Variants in TRDN observed in about 807,000 individuals in gnomAD.
The protein encoded by TRDN is triadin in skeletal muscle.
A neutral mutation model predicts 149.7 loss-of-function variants in TRDN; 161 were observed. The observed-to-expected ratio is 1.08, with a 90% CI of 0.95 to 1.23. TRDN has a LOEUF of 1.23. Among genes scored for constraint, TRDN ranks in the 50% most tolerant of loss-of-function variants. TRDN has a pLI of 0.00. For synonymous variants in TRDN, 294 were observed against 250.5 expected (o/e 1.17, Z -1.64); for missense variants, 896 against 823.5 (o/e 1.09, Z -1.08).
At chr6:123,574,895 C>T (rs1885200) in intron 1 of TRDN, among the ~76,000 whole-genome samples, 31,055 of 82,196 alleles carry the variant, frequency 0.38, 4,646 homozygotes, top group South Asian at 0.46. Context: ...TATATATATA[C>T]ACACATTTTC....
At chr6:123,606,837 A>C (rs1784550122) in intron 1 of TRDN, among the ~76,000 whole-genome samples, 1 of 152,222 alleles carries the variant, frequency 6.6e-6, no homozygotes, top group African/African-American at 2.4e-5. Context: ...AAGTATTCAA[A>C]GAAATGTATG....
In TRDN at chr6:123,396,963, G is replaced by T. The variant is rs186178336; in HGVS notation, c.1052-3286C>A. On this transcript the variant is annotated intron_variant, in intron 12 of 40. Coordinates refer to ENST00000334268, the MANE Select transcript of TRDN (RefSeq NM_006073.4). ...TGTCAGCAGCCAGAATTGGTCTTTGGCTAATGGACAGCAGGTAAAGAATAA... is the reference window on the plus strand; with the variant it reads ...TGTCAGCAGCCAGAATTGGTCTTTGTCTAATGGACAGCAGGTAAAGAATAA... Among the ~76,000 whole-genome samples the T allele has an allele frequency of 1.3e-4, 20 of 152,012 alleles. 1 individual carries two copies. The highest frequency in any genetic ancestry group is 1.3e-3 in the Admixed American group (20 of 15,262).
intron 12 of TRDN, 100 bp downstream of exon 12, chr6:123,437,963 T>G (rs1396341903): frequency 9.7e-7 from 1 of 1,033,516 alleles, no homozygotes; most frequent in Non-Finnish European, 1.4e-6. Flanking sequence ...TGGGTAGATA[T>G]AAGTAACTGT....
intron 12 of TRDN, among the ~76,000 whole-genome samples, chr6:123,394,149 G>T (rs527829472): frequency 1.3e-5 from 2 of 152,144 alleles, no homozygotes; most frequent in Non-Finnish European, 2.9e-5. Context: ...TCCCTAAACT[G>T]CAGTGGCACC....
chr6:123,299,054 C>T lies in TRDN; in HGVS notation c.1510+17403G>A, dbSNP rs1778310611. Among the ~76,000 whole-genome samples, 2 of 152,108 alleles carry T rather than the reference C, an allele frequency of 1.3e-5. 1 individual carries two copies. Among genetic ancestry groups the T allele is most frequent in the African/African-American group, 4.8e-5 (2 of 41,526 alleles). ...AGATAATTTTCTATTGATTAGTACCCTCTGGCACAGCATGCTTTAATTGTT... is the reference window on the plus strand; with the variant it reads ...AGATAATTTTCTATTGATTAGTACCTTCTGGCACAGCATGCTTTAATTGTT... On this transcript the variant is annotated intron_variant, in intron 24 of 40. Coordinates refer to ENST00000334268, the MANE Select transcript of TRDN (RefSeq NM_006073.4).
At chr6:123,438,340 CA>C (rs1441658238) in intron 11 of TRDN, among the ~76,000 whole-genome samples, 1 of 142,376 alleles carries the variant, frequency 7.0e-6, no homozygotes. Context: ...TTTTTTTTGC[CA>C]AAGGCAAAAA....
At chr6:123,246,530 C>G (rs1329003280) in intron 38 of TRDN, among the ~76,000 whole-genome samples, 1 of 151,656 alleles carries the variant, frequency 6.6e-6, no homozygotes, top group Non-Finnish European at 1.5e-5. Flanking sequence ...AAGACCAAAC[C>G]AGGAAGAAGT....
At chr6:123,483,451 C>T (rs185606497) in intron 9 of TRDN, among the ~76,000 whole-genome samples, 1 of 151,960 alleles carries the variant, frequency 6.6e-6, no homozygotes, top group African/African-American at 2.4e-5. Context: ...CCACTTCCTC[C>T]CCTATTTGGG....
At chr6:123,266,116 A>T (rs1776945646) in intron 32 of TRDN, among the ~76,000 whole-genome samples, 1 of 120,792 alleles carries the variant, frequency 8.3e-6, no homozygotes, top group East Asian at 2.3e-4. Flanking sequence ...CATATGTATT[A>T]TATATTATAT....
At chr6:123,634,055 A>G (rs1458676531) in intron 1 of TRDN, among the ~76,000 whole-genome samples, 1 of 152,024 alleles carries the variant, frequency 6.6e-6, no homozygotes, top group Non-Finnish European at 1.5e-5. Context: ...TGTGTGCGTG[A>G]TAAATGGATG....
chr6:123,578,956 G>A (rs1416300939), intron 1 of TRDN, among the ~76,000 whole-genome samples: 1 of 152,170 alleles, frequency 6.6e-6, no homozygotes, highest in South Asian at 2.1e-4. Flanking sequence ...CAGCTTGGCT[G>A]TTGTTGGTGT....
intron 9 of TRDN, chr6:123,470,081 C>T (rs1221711122): frequency 6.6e-6 from 1 of 152,138 alleles, no homozygotes; most frequent in Non-Finnish European, 1.5e-5. Context: ...GGTCTAGGGA[C>T]TGGGATTTCA....
intron 1 of TRDN, among the ~76,000 whole-genome samples, chr6:123,603,976 A>G (rs1784399684): frequency 6.6e-6 from 1 of 152,184 alleles, no homozygotes; most frequent in Non-Finnish European, 1.5e-5. Context: ...AATTAGAGTT[A>G]ATATTTTTAT....
chr6:123,495,100 G>A (rs1669801772), intron 9 of TRDN, among the ~76,000 whole-genome samples: 1 of 152,060 alleles, frequency 6.6e-6, no homozygotes. Context: ...AGAATGGAAT[G>A]TGATAGTGCC....
chr6:123,502,317 A>C, intron 8 of TRDN: 1 of 823,652 alleles, frequency 1.2e-6, no homozygotes, highest in East Asian at 1.2e-4. Context: ...ATTTTGATGG[A>C]AGTAATAATT....
intron 23 of TRDN, among the ~76,000 whole-genome samples, chr6:123,324,864 A>G (rs1367670): frequency 0.18 from 27,467 of 152,142 alleles, 3,497 homozygotes; most frequent in East Asian, 0.63. Flanking sequence ...ATTTTGGCAT[A>G]ATGGACATAA....
At chr6:123,375,661 C>A in intron 18 of TRDN, 30 bp from the exon 19 acceptor site, 1 of 1,488,542 alleles carries the variant, frequency 6.7e-7, no homozygotes, top group Non-Finnish European at 9.0e-7. Flanking sequence ...ATAAGGTCAA[C>A]AGTAATTACA....
At chr6:123,534,165 A>G (rs1780402642) in intron 4 of TRDN, among the ~76,000 whole-genome samples, 1 of 152,196 alleles carries the variant, frequency 6.6e-6, no homozygotes, top group African/African-American at 2.4e-5. Flanking sequence ...ATACAAACTT[A>G]CATAGGCAGA....
intron 10 of TRDN, among the ~76,000 whole-genome samples, chr6:123,446,389 T>G (rs1358586871): frequency 6.6e-6 from 1 of 151,078 alleles, no homozygotes; most frequent in Non-Finnish European, 1.5e-5. Flanking sequence ...AGTATAATAA[T>G]AAAAGAAAAT....
Sources: allele counts gnomAD v4.1 joint callset (sites outside exome capture counted in the v4.1 genomes callset), GRCh38; gene constraint gnomAD v4.1.1; transcripts MANE v1.5; gene names NCBI Gene and HGNC (gene_info 2026-07-23, HGNC 2026-07-21).